Variants in SOS1 observed in about 807,000 individuals in gnomAD.
SOS1 encodes son of sevenless homolog 1.
Under a neutral mutation model 157.6 loss-of-function variants are expected in SOS1, and 25 were observed. The observed-to-expected ratio is 0.16, with a 90% CI of 0.12 to 0.22. The LOEUF (loss-of-function observed/expected upper bound fraction) is 0.22, where lower values mean the gene tolerates loss of function less well. Ranked by LOEUF, SOS1 falls within the 10% of genes least tolerant of loss-of-function variation. The pLI is 1.00. For synonymous variants in SOS1, 528 were observed against 534.0 expected (o/e 0.99, Z 0.16); for missense variants, 1,237 against 1,599.1 (o/e 0.77, Z 3.86).
intron 1 of SOS1, among the ~76,000 whole-genome samples, chr2:39,102,912 G>A (rs1182010208): frequency 1.3e-5 from 2 of 151,894 alleles, no homozygotes; most frequent in East Asian, 1.9e-4. Context: ...CTGTGATCAC[G>A]CCACTGCACT....
At chr2:39,035,612 T>A in intron 6 of SOS1, 112 bp from the exon 7 acceptor site, 1 of 744,498 alleles carries the variant, frequency 1.3e-6, no homozygotes, top group African/African-American at 1.8e-5. Context: ...TGAAAGTCTC[T>A]AAGCAAAAAT....
chr2:39,052,869 C>T (rs1671070574), intron 5 of SOS1, among the ~76,000 whole-genome samples: 1 of 152,044 alleles, frequency 6.6e-6, no homozygotes, highest in African/African-American at 2.4e-5. Flanking sequence ...AACTGCCAAA[C>T]TGGCCAGGCA....
chr2:39,013,643 A>G, intron 12 of SOS1, 80 bp from the exon 13 acceptor site: 1 of 1,038,948 alleles, frequency 9.6e-7, no homozygotes, highest in Non-Finnish European at 1.5e-6. Context: ...ATACAAATGA[A>G]AATGCAGTAA....
chr2:39,114,523 G>A (rs966730793), intron 1 of SOS1, among the ~76,000 whole-genome samples: 3 of 151,824 alleles, frequency 2.0e-5, no homozygotes, highest in South Asian at 2.1e-4. Flanking sequence ...GGCTGGTATC[G>A]AACTCCTGAC....
At chr2:39,069,702 C>T (rs1390744013) in intron 1 of SOS1, among the ~76,000 whole-genome samples, 2 of 152,022 alleles carry the variant, frequency 1.3e-5, no homozygotes, top group African/African-American at 4.8e-5. Flanking sequence ...CACCTGCCAC[C>T]ACACCCGGCC....
chr2:39,032,261 C>A (rs761449585), intron 8 of SOS1, among the ~76,000 whole-genome samples: 1 of 152,110 alleles, frequency 6.6e-6, no homozygotes, highest in Non-Finnish European at 1.5e-5. Flanking sequence ...AATTTTGTGT[C>A]ATTTGACCAG....
At chr2:38,988,336 T>C (rs1668613835) in intron 21 of SOS1, among the ~76,000 whole-genome samples, 1 of 152,136 alleles carries the variant, frequency 6.6e-6, no homozygotes, top group African/African-American at 2.4e-5. Context: ...AAGCTACTAA[T>C]TAGAACCTCT....
At chr2:39,038,698 C>G (rs1390085266) in intron 6 of SOS1, among the ~76,000 whole-genome samples, 7 of 81,576 alleles carry the variant, frequency 8.6e-5, no homozygotes, top group Non-Finnish European at 1.6e-4. Context: ...CACACCACTG[C>G]ACTCCAGCCT....
chr2:39,020,619 T>A (rs188051714), intron 10 of SOS1, among the ~76,000 whole-genome samples: 4 of 151,844 alleles, frequency 2.6e-5, no homozygotes, highest in Admixed American at 2.6e-4. Flanking sequence ...TAAAAACAAA[T>A]GGTAACTTGA....
At chr2:39,054,072 C>T (rs912112910) in intron 5 of SOS1, among the ~76,000 whole-genome samples, 2 of 152,076 alleles carry the variant, frequency 1.3e-5, no homozygotes, top group Non-Finnish European at 2.9e-5. Context: ...GGATTACAGA[C>T]GCTCGCCACC....
At chr2:39,100,421 G>A (rs1438813603) in intron 1 of SOS1, among the ~76,000 whole-genome samples, 2 of 152,070 alleles carry the variant, frequency 1.3e-5, no homozygotes, top group Non-Finnish European at 2.9e-5. Flanking sequence ...ACTGACAGAT[G>A]AATGAAAAAA....
intron 8 of SOS1, among the ~76,000 whole-genome samples, chr2:39,030,247 A>AG (rs1162680828): frequency 6.7e-6 from 1 of 149,816 alleles, no homozygotes; most frequent in Non-Finnish European, 1.5e-5. Context: ...GAAAACAGAA[A>AG]AAAAAAAAAA....
At chr2:39,107,243 T>C (rs1043336542) in intron 1 of SOS1, among the ~76,000 whole-genome samples, 11 of 152,102 alleles carry the variant, frequency 7.2e-5, no homozygotes, top group African/African-American at 1.4e-4. Flanking sequence ...GGAAGGATAA[T>C]AGACTGAGTG....
Position 39,003,073 on chromosome 2 carries a change from A to AAACAAACAAAC in SOS1, c.2791+3338_2791+3339insGTTTGTTTGTT, listed in dbSNP as rs1553352679. Among the ~76,000 whole-genome samples the AAACAAACAAAC allele has an allele frequency of 4.4e-3, 652 of 148,160 alleles. 8 individuals carry two copies. The highest frequency in any genetic ancestry group is 0.023 in the East Asian group (115 of 5,104). ...TAAAGTGAGACCTTGTATCAAAAAA[A>AAACAAACAAAC]AAAAAGAACGTAGGGGTAGGGGAAA... On this transcript the variant is annotated intron_variant, in intron 17 of 22. Transcript: ENST00000402219.
chr2:39,088,343 C>A (rs1423731439), intron 1 of SOS1, among the ~76,000 whole-genome samples: 8 of 149,586 alleles, frequency 5.3e-5, no homozygotes. Context: ...GTAAAATACA[C>A]ACAACACAAA....
chr2:39,114,716 C>G (rs1673582057), intron 1 of SOS1, among the ~76,000 whole-genome samples: 1 of 152,142 alleles, frequency 6.6e-6, no homozygotes, highest in African/African-American at 2.4e-5. Context: ...TGTGTCTCAG[C>G]CTCCCGAGTA....
rs1332816469 is a variant in SOS1, at chr2:38,995,216, T to A, written c.3253A>T (p.Thr1085Ser). ...GAAGCAGGCGGAGGTGTTAACGGTG[T>A]TCTTGGAGAATTTGGTGCAGATGCT... ...STASAPNSPR[T>S]PLTPPPASGA... is the part of the protein sequence containing the mutation. The change falls in exon 20 of 23, where the codon ACA (threonine) becomes TCA (serine). Residue 1085 changes from threonine (T) to serine (S), a missense_variant. Physicochemically the swap from Thr to Ser is moderately conservative, Grantham distance 58. Transcript: ENST00000402219. 3 of 1,614,012 alleles carry A rather than the reference T, an allele frequency of 1.9e-6. No individual in the cohort carries two copies. Among genetic ancestry groups the A allele is most frequent in the Non-Finnish European group, 2.5e-6 (3 of 1,179,914 alleles).
chr2:39,105,146 A>G (rs1673119699), intron 1 of SOS1, among the ~76,000 whole-genome samples: 1 of 152,240 alleles, frequency 6.6e-6, no homozygotes, highest in Non-Finnish European at 1.5e-5. Flanking sequence ...CAAATTACTG[A>G]GCCGTACACA....
chr2:39,064,062 G>T (rs997307055), intron 2 of SOS1, among the ~76,000 whole-genome samples: 1 of 151,932 alleles, frequency 6.6e-6, no homozygotes, highest in Non-Finnish European at 1.5e-5. Flanking sequence ...CTGAACTCTT[G>T]GGCTCAGGCA....
Sources: allele counts gnomAD v4.1 joint callset (sites outside exome capture counted in the v4.1 genomes callset), GRCh38; gene constraint gnomAD v4.1.1; transcripts MANE v1.5; gene names NCBI Gene and HGNC (gene_info 2026-07-23, HGNC 2026-07-21).